PSPH: variants seen among roughly 807,000 people sequenced by gnomAD.
PSPH encodes the protein phosphoserine phosphatase.
PSPH carries 16 observed loss-of-function variants against 23.4 expected under a neutral mutation model. The ratio of observed to expected loss-of-function variants is 0.68; its 90% CI spans 0.46 to 1.04. PSPH has a LOEUF of 1.04. PSPH is among the 50% of genes least tolerant of loss of function. The pLI is 0.00. For missense variants in PSPH, 223 were observed against 273.7 expected (o/e 0.81, Z 1.31); for synonymous variants, 68 against 99.7 (o/e 0.68, Z 1.89).
intron 3 of PSPH, among the ~76,000 whole-genome samples, chr7:56,026,799 A>G (rs1312159215): frequency 6.6e-6 from 1 of 152,208 alleles, no homozygotes; most frequent in East Asian, 1.9e-4. Context: ...GTGCAAGTCC[A>G]CTAAGAATGG....
chr7:56,037,098 C>T (rs1337920448), intron 1 of PSPH, among the ~76,000 whole-genome samples: 8 of 148,710 alleles, frequency 5.4e-5, no homozygotes, highest in Admixed American at 2.1e-4. Context: ...CACTTGAACC[C>T]GGGAGGCAGA....
At position 56,051,409 on chromosome 7, in the gene PSPH, G is replaced by A. The variant is rs1296875077; in HGVS notation, c.-563C>T. 1 of 203,162 alleles carries A rather than the reference G, an allele frequency of 4.9e-6. No homozygotes were observed. Among genetic ancestry groups the A allele is most frequent in the Non-Finnish European group, 1.0e-5 (1 of 98,592 alleles). The allele number at this position is 203,162 out of a possible 1,614,324, so 12.6% of individuals were successfully genotyped here. On this transcript the variant is annotated 5_prime_UTR_variant, in exon 1 of 8. Transcript: ENST00000275605. The stretch of plus-strand genomic sequence containing the variant: ...CTCGCGTGTGGCCCCACGGCACCTA[G>A]GGCACCGTCGAGCACACGGTCCGGG...
chr7:56,048,349 G>A (rs1793531563), intron 1 of PSPH, among the ~76,000 whole-genome samples: 2 of 150,916 alleles, frequency 1.3e-5, no homozygotes, highest in African/African-American at 2.4e-5. Flanking sequence ...GGGACAGTCT[G>A]TAAAATAACT....
intron 4 of PSPH, among the ~76,000 whole-genome samples, chr7:56,020,137 G>A (rs1023180184): frequency 1.3e-5 from 2 of 149,516 alleles, no homozygotes; most frequent in Admixed American, 6.7e-5. Flanking sequence ...GAGAATTGCT[G>A]GAACCCGGGA....
chr7:56,013,476 C>T (rs1489268007), intron 7 of PSPH, among the ~76,000 whole-genome samples: 1 of 151,718 alleles, frequency 6.6e-6, no homozygotes, highest in East Asian at 1.9e-4. Context: ...TGAGATTGCA[C>T]CACTGCACTC....
chr7:56,045,973 C>A (rs1369869393), intron 1 of PSPH, among the ~76,000 whole-genome samples: 1 of 151,404 alleles, frequency 6.6e-6, no homozygotes, highest in Non-Finnish European at 1.5e-5. Flanking sequence ...GCAGTGTGGG[C>A]AGTAGGATAT....
chr7:56,045,413 T>C (rs1472658715), intron 1 of PSPH, among the ~76,000 whole-genome samples: 1 of 148,928 alleles, frequency 6.7e-6, no homozygotes, highest in Non-Finnish European at 1.5e-5. Context: ...CAGTAAGCAG[T>C]GATTGCGCCA....
chr7:56,013,054 T>TACTATATATGTATATATATACACACATAC (rs1788104530), intron 7 of PSPH, among the ~76,000 whole-genome samples: 2 of 150,064 alleles, frequency 1.3e-5, no homozygotes, highest in South Asian at 4.2e-4. Context: ...TACACACATA[T>TACTATATATGTATATATATACACACATAC]ATGTATATGT....
intron 1 of PSPH, among the ~76,000 whole-genome samples, chr7:56,041,458 G>A (rs55946778): frequency 6.6e-6 from 1 of 151,640 alleles, no homozygotes; most frequent in Non-Finnish European, 1.5e-5. Flanking sequence ...TGATCTGCCC[G>A]CCTAGGCCTC....
intron 1 of PSPH, among the ~76,000 whole-genome samples, chr7:56,047,220 CAA>C (rs78062755): frequency 9.0e-5 from 11 of 122,098 alleles, no homozygotes; most frequent in Non-Finnish European, 1.1e-4. Context: ...CTTCTCTCTA[CAA>C]AAAAAAAAAA....
chr7:56,016,402 TCAA>T (rs1788567655), intron 6 of PSPH, among the ~76,000 whole-genome samples: 1 of 29,010 alleles, frequency 3.4e-5, no homozygotes, highest in Non-Finnish European at 9.5e-5. Context: ...AGACCCTGTC[TCAA>T]AAAAAAAAAA....
intron 3 of PSPH, among the ~76,000 whole-genome samples, chr7:56,025,222 ACAC>A (rs1205752536): frequency 2.6e-5 from 4 of 151,976 alleles, no homozygotes; most frequent in Non-Finnish European, 4.4e-5. Context: ...ACACATACAC[ACAC>A]ATTTTTACAC....
chr7:56,032,160 T>C (rs1429203705), intron 2 of PSPH, 106 bp from the exon 3 acceptor site: 1 of 152,100 alleles, frequency 6.6e-6, no homozygotes, highest in East Asian at 1.9e-4. Context: ...CAAAAATGGG[T>C]CAGAGGCAAA....
chr7:56,021,676 C>T (rs1789482146), intron 3 of PSPH, among the ~76,000 whole-genome samples: 1 of 150,124 alleles, frequency 6.7e-6, no homozygotes, highest in African/African-American at 2.4e-5. Flanking sequence ...AGGCCGGGCG[C>T]GGTGGCTCAG....
chr7:56,017,562 T>A (rs1262011713), intron 5 of PSPH, among the ~76,000 whole-genome samples, 183 bp from the exon 6 acceptor site: 2 of 151,988 alleles, frequency 1.3e-5, no homozygotes, highest in African/African-American at 4.8e-5. Flanking sequence ...TTTTTCTTTT[T>A]TTTTTGAGAT....
chr7:56,025,750 C>T (rs1313447464), intron 3 of PSPH, among the ~76,000 whole-genome samples: 1 of 152,164 alleles, frequency 6.6e-6, no homozygotes, highest in African/African-American at 2.4e-5. Context: ...CGTGCCACCA[C>T]ATCCAGCTAA....
At chr7:56,028,048 CAA>C (rs35662903) in intron 3 of PSPH, among the ~76,000 whole-genome samples, 50 of 114,246 alleles carry the variant, frequency 4.4e-4, no homozygotes, top group Admixed American at 4.6e-4. Context: ...GACCCTGCCT[CAA>C]AAAAAAAAAA....
At chr7:56,018,355 CAACA>C (rs1364084443) in intron 5 of PSPH, among the ~76,000 whole-genome samples, 1 of 136,204 alleles carries the variant, frequency 7.3e-6, no homozygotes, top group Non-Finnish European at 1.6e-5. Flanking sequence ...AAAACAACAA[CAACA>C]AAAAAAAAAC....
At chr7:56,032,902 G>C (rs1164734172) in intron 2 of PSPH, among the ~76,000 whole-genome samples, 1 of 151,056 alleles carries the variant, frequency 6.6e-6, no homozygotes. Flanking sequence ...AGCTATGATT[G>C]CACCGCTGCA....
Sources: gnomAD v4.1 joint callset for allele counts (sites outside exome capture counted in the v4.1 genomes callset) on GRCh38, gnomAD v4.1.1 for gene constraint, MANE v1.5 for transcripts, NCBI Gene and HGNC (gene_info 2026-07-23, HGNC 2026-07-21) for gene names.